The following GNB1L variants were observed in gnomAD, a reference collection of about 807,000 sequenced individuals.
GNB1L encodes the protein guanine nucleotide-binding protein subunit beta-like protein 1.
In GNB1L, 20 loss-of-function variants were observed where a neutral mutation model predicts 29.1. The ratio of observed to expected loss-of-function variants is 0.69; its 90% CI spans 0.48 to 1.00. The LOEUF is 1.00. Ranked by LOEUF, GNB1L falls within the 50% of genes least tolerant of loss-of-function variation. The pLI is 0.00. For synonymous variants in GNB1L, 193 were observed against 206.5 expected (o/e 0.93, Z 0.56); for missense variants, 421 against 464.9 (o/e 0.91, Z 0.87).
At position 19,788,680 on chromosome 22, in the gene GNB1L, C is replaced by G; in HGVS notation, c.*29G>C. ...TGATGCCCACCTCCCTGCCCGCCCT[C>G]CTCGTCTCCCGGGAAGGGAGTGGGT... On this transcript the variant is annotated 3_prime_UTR_variant, in exon 8 of 8. Transcript: ENST00000329517. 1 of 1,612,358 alleles carries G rather than the reference C, an allele frequency of 6.2e-7. No homozygotes were observed.
intron 2 of GNB1L, among the ~76,000 whole-genome samples, chr22:19,840,561 G>A (rs564893495): frequency 6.6e-6 from 1 of 152,196 alleles, no homozygotes; most frequent in Non-Finnish European, 1.5e-5. Flanking sequence ...TGTAATCCCA[G>A]CACTTTGGGA....
chr22:19,835,682 A>G (rs984354923), intron 2 of GNB1L, among the ~76,000 whole-genome samples: 1 of 152,200 alleles, frequency 6.6e-6, no homozygotes, highest in Admixed American at 6.5e-5. Context: ...TCGATAAAAA[A>G]AAAAATGTAA....
chr22:19,802,169 T>A lies in GNB1L; in HGVS notation c.564A>T (p.Gly188=), dbSNP rs752054535. The A allele has an allele frequency of 3.1e-6, 5 of 1,613,044 alleles. No homozygotes were observed. The East Asian group carries it at 1.1e-4, about 36-fold the overall frequency. The change falls in exon 7 of 8, where the codon GGA becomes GGT. Residue 188 remains glycine, a synonymous_variant. Coordinates refer to ENST00000329517, the MANE Select transcript of GNB1L (RefSeq NM_053004.3). ...RPLLLAGYED[G]SVVLWDVSEQ... is the part of the protein sequence containing the mutation. ...CAGAGACGTCCCACAGGACCACCGATCCATCCTCATAGCCGGCCAGAAGGA... is the reference window on the plus strand; with the variant it reads ...CAGAGACGTCCCACAGGACCACCGAACCATCCTCATAGCCGGCCAGAAGGA...
chr22:19,793,220 G>A, intron 7 of GNB1L: 1 of 606,044 alleles, frequency 1.7e-6, no homozygotes. Flanking sequence ...TGAGCAAATA[G>A]GAACTCTTAG....
chr22:19,792,373 T>C, intron 7 of GNB1L: 1 of 1,391,548 alleles, frequency 7.2e-7, no homozygotes, highest in Non-Finnish European at 1.0e-6. Context: ...GCTAAGAAAG[T>C]GGTGAATCCC....
At chr22:19,789,681 C>T (rs1040335031) in intron 7 of GNB1L, among the ~76,000 whole-genome samples, 62 of 152,040 alleles carry the variant, frequency 4.1e-4, no homozygotes, top group African/African-American at 1.5e-3. Flanking sequence ...CTGGCCTCTT[C>T]CTGGGCCGAG....
At chr22:19,810,729 CGTT>C (rs1937490374) in intron 5 of GNB1L, among the ~76,000 whole-genome samples, 1 of 152,196 alleles carries the variant, frequency 6.6e-6, no homozygotes, top group Admixed American at 6.5e-5. Context: ...GCTCCCTGGG[CGTT>C]GTCTGGGTGC....
rs757299796 is a variant in GNB1L, at chr22:19,829,810, TAAAC to T, written c.-20-8439_-20-8436del. Among the ~76,000 whole-genome samples, 35 of 152,112 alleles carry T rather than the reference TAAAC, an allele frequency of 2.3e-4. 1 individual carries two copies. Among genetic ancestry groups the T allele is most frequent in the Admixed American group, 1.0e-3 (16 of 15,278 alleles). The stretch of plus-strand genomic sequence containing the variant: ...AATGCCCATTTTTTATTAAAATACG[TAAAC>T]AAACAGACATTGATGCATTTCTTAG... On this transcript the variant is annotated intron_variant, in intron 2 of 7. Coordinates refer to ENST00000329517, the MANE Select transcript of GNB1L (RefSeq NM_053004.3).
chr22:19,797,350 G>C (rs1297725307), intron 7 of GNB1L, among the ~76,000 whole-genome samples: 1 of 151,932 alleles, frequency 6.6e-6, no homozygotes, highest in Non-Finnish European at 1.5e-5. Context: ...CGGGAGGGGG[G>C]GTGGGGGTGC....
chr22:19,828,655 C>CTA (rs1937640356), intron 2 of GNB1L, among the ~76,000 whole-genome samples: 2 of 150,138 alleles, frequency 1.3e-5, no homozygotes, highest in East Asian at 3.9e-4. Flanking sequence ...AAAAAAAAAA[C>CTA]TATATATATA....
chr22:19,799,240 T>C (rs1041246208), intron 7 of GNB1L, among the ~76,000 whole-genome samples: 2 of 152,344 alleles, frequency 1.3e-5, no homozygotes, highest in Non-Finnish European at 2.9e-5. Context: ...TTCAAGGCTG[T>C]GGGCACTACC....
intron 2 of GNB1L, among the ~76,000 whole-genome samples, chr22:19,843,324 C>A (rs78402873): frequency 1.3e-5 from 2 of 152,262 alleles, no homozygotes; most frequent in Non-Finnish European, 2.9e-5. Flanking sequence ...TGTCAGTATC[C>A]GCCTTTGGAA....
chr22:19,821,871 G>A (rs1007431446), intron 2 of GNB1L, among the ~76,000 whole-genome samples: 2 of 152,208 alleles, frequency 1.3e-5, no homozygotes, highest in Non-Finnish European at 2.9e-5. Flanking sequence ...CGGGACTGCC[G>A]GTCCTGCCAC....
In GNB1L at chr22:19,815,472, G is replaced by A. The variant is rs187968493; in HGVS notation, c.255-3025C>T. Among the ~76,000 whole-genome samples the A allele has an allele frequency of 3.7e-3, 558 of 152,376 alleles. 3 individuals carry two copies. Among genetic ancestry groups the A allele is most frequent in the Admixed American group, 9.5e-3 (146 of 15,302 alleles). On this transcript the variant is annotated intron_variant, in intron 4 of 7. Transcript: ENST00000329517. ...CGAGATGGGGGTGTCCTCAGCATGG[G>A]GAGGGGCCAGGGCCAAGGGAGGGGA...
chr22:19,818,842 CT>C (rs1937555762), intron 4 of GNB1L, among the ~76,000 whole-genome samples: 1 of 152,190 alleles, frequency 6.6e-6, no homozygotes, highest in African/African-American at 2.4e-5. Context: ...AGATGTCACT[CT>C]GATCAAGGAC....
At chr22:19,841,049 C>T (rs758684221) in intron 2 of GNB1L, among the ~76,000 whole-genome samples, 7 of 152,156 alleles carry the variant, frequency 4.6e-5, no homozygotes, top group African/African-American at 7.2e-5. Flanking sequence ...GGAGAGCAAA[C>T]GCAGTGTGGG....
At chr22:19,854,769 C>G (rs1267773093) in intron 1 of GNB1L, 51 bp downstream of exon 1, 1 of 152,352 alleles carries the variant, frequency 6.6e-6, no homozygotes, top group Non-Finnish European at 1.5e-5. Context: ...GCTCCAGGCC[C>G]GCGTGCACGG....
At chr22:19,847,894 G>A (rs936503169) in intron 2 of GNB1L, 17 of 978,010 alleles carry the variant, frequency 1.7e-5, no homozygotes, top group Non-Finnish European at 1.7e-5. Flanking sequence ...AATATGTACT[G>A]GCATAAAGAG....
Position 19,804,620 on chromosome 22 carries a change from G to GA in GNB1L, c.516+2038dup, listed in dbSNP as rs568037494. 2.8e-3 allele frequency among the ~76,000 whole-genome samples: 407 copies of GA among 144,992 alleles called. 1 individual carries two copies. Among genetic ancestry groups the GA allele is most frequent in the African/African-American group, 8.8e-3 (351 of 39,726 alleles). ...AAAAAAGAAAACCCTCAATGTTTCA[G>GA]AAAAAAAAAAAGCAAGTCAGGCCAC... is the stretch of plus-strand genomic sequence containing the variant. On this transcript the variant is annotated intron_variant, in intron 6 of 7. Transcript: ENST00000329517.
Sources: gnomAD v4.1 joint callset for allele counts (sites outside exome capture counted in the v4.1 genomes callset) on GRCh38, gnomAD v4.1.1 for gene constraint, MANE v1.5 for transcripts, NCBI Gene and HGNC (gene_info 2026-07-23, HGNC 2026-07-21) for gene names.